The following CSF1R variants were observed in gnomAD, a reference collection of about 807,000 sequenced individuals.
The protein encoded by CSF1R is macrophage colony-stimulating factor 1 receptor.
CSF1R carries 40 observed loss-of-function variants against 110.0 expected under a neutral mutation model. The ratio of observed to expected loss-of-function variants is 0.36; its 90% CI spans 0.28 to 0.47. The LOEUF (loss-of-function observed/expected upper bound fraction) is 0.47. Among genes scored for constraint, CSF1R ranks in the 20% least tolerant of loss-of-function variants. CSF1R has a pLI of 0.99. For missense variants in CSF1R, 1,052 were observed against 1,253.0 expected (o/e 0.84, Z 2.42); for synonymous variants, 523 against 503.4 (o/e 1.04, Z -0.52).
chr5:150,071,223 G>T (rs192901291), intron 6 of CSF1R, among the ~76,000 whole-genome samples: 5 of 152,236 alleles, frequency 3.3e-5, no homozygotes, highest in Non-Finnish European at 5.9e-5. Context: ...TACAGAAAAG[G>T]CCCTGGAGCA....
chr5:150,062,178 T>TTTTAA (rs1554102113), intron 10 of CSF1R, among the ~76,000 whole-genome samples: 107 of 148,276 alleles, frequency 7.2e-4, no homozygotes, highest in Middle Eastern at 3.5e-3. Context: ...GGGTGGAACT[T>TTTTAA]GAGATCTTAT....
chr5:150,094,077 A>G (rs1292204713), intron 1 of CSF1R, among the ~76,000 whole-genome samples: 1 of 152,096 alleles, frequency 6.6e-6, no homozygotes, highest in Non-Finnish European at 1.5e-5. Context: ...AAAAAAAAAA[A>G]AAGTACAATT....
chr5:150,063,188 T>C (rs1230516765), intron 10 of CSF1R, among the ~76,000 whole-genome samples: 9 of 152,116 alleles, frequency 5.9e-5, no homozygotes, highest in Non-Finnish European at 1.2e-4. Flanking sequence ...TGGCTAATTT[T>C]TGTAGAGACG....
At chr5:150,109,220 T>C (rs2113871410) in intron 1 of CSF1R, among the ~76,000 whole-genome samples, 1 of 152,262 alleles carries the variant, frequency 6.6e-6, no homozygotes, top group East Asian at 1.9e-4. Context: ...AGAGCCTCCC[T>C]GCAGTGACTG....
At chr5:150,059,252 A>C (rs1193487597) in intron 14 of CSF1R, among the ~76,000 whole-genome samples, 1 of 151,954 alleles carries the variant, frequency 6.6e-6, no homozygotes, top group Non-Finnish European at 1.5e-5. Flanking sequence ...CCTTGTTGGT[A>C]AGGCTGGTCT....
At chr5:150,097,945 C>T (rs1216800334) in intron 1 of CSF1R, among the ~76,000 whole-genome samples, 1 of 152,040 alleles carries the variant, frequency 6.6e-6, no homozygotes, top group Non-Finnish European at 1.5e-5. Flanking sequence ...TTAGATTAGC[C>T]AAAATAATTT....
chr5:150,077,171 T>TC, intron 5 of CSF1R, 105 bp downstream of exon 5: 1 of 1,437,268 alleles, frequency 7.0e-7, no homozygotes. Flanking sequence ...AGCAGAGATA[T>TC]CCTCAGCAGG....
chr5:150,054,626 T>TC (rs1757109880), intron 19 of CSF1R, 196 bp from the exon 20 acceptor site: 1 of 538,810 alleles, frequency 1.9e-6, no homozygotes, highest in East Asian at 3.0e-5. Flanking sequence ...GGTACTCTCA[T>TC]CACCCTCATT....
chr5:150,108,830 T>C (rs1027923814), intron 1 of CSF1R, among the ~76,000 whole-genome samples: 9 of 151,720 alleles, frequency 5.9e-5, no homozygotes, highest in African/African-American at 2.2e-4. Context: ...GGGTGGGAGC[T>C]GCTGGAGAGG....
intron 1 of CSF1R, among the ~76,000 whole-genome samples, chr5:150,093,130 G>C (rs1247660978): frequency 5.3e-5 from 8 of 152,076 alleles, no homozygotes; most frequent in Non-Finnish European, 8.8e-5. Flanking sequence ...CCAGGCTGGA[G>C]GGCAGTGGCG....
At position 150,084,633 on chromosome 5, in the gene CSF1R, T is replaced by C. The variant is rs1420921278; in HGVS notation, c.49+1746A>G. 2.0e-5 allele frequency among the ~76,000 whole-genome samples: 3 copies of C among 151,618 alleles called. No homozygotes were observed. The East Asian group carries it at 6.0e-4, about 30-fold the overall frequency. On this transcript the variant is annotated intron_variant, in intron 1 of 20. Transcript: ENST00000675795. ...ACACCCGGCTAATTTTTGTATTTTT[T>C]AGTAGAGAGGGGGCTTCACCATATT...
Position 150,068,242 on chromosome 5 carries a change from G to GAGCAGC in CSF1R, c.1593_1598dup (p.Leu536_Leu537dup). 3 of 1,608,388 alleles carry GAGCAGC rather than the reference G, an allele frequency of 1.9e-6. No individual in the cohort carries two copies. The highest frequency in any genetic ancestry group is 4.5e-5 in the East Asian group (2 of 44,600). ...GCTTATACTTGTACAATAGCAGCAG[G>GAGCAGC]AGCAGCAGCAGCAGCAAGGCCATGA... is the stretch of plus-strand genomic sequence containing the variant. On this transcript the variant is annotated inframe_insertion, in exon 10 of 21. Coordinates refer to ENST00000675795, the MANE Select transcript of CSF1R (RefSeq NM_001288705.3).
chr5:150,085,520 C>T (rs1758804302), intron 1 of CSF1R, among the ~76,000 whole-genome samples: 1 of 151,992 alleles, frequency 6.6e-6, no homozygotes, highest in South Asian at 2.1e-4. Context: ...AGCACAGCAG[C>T]CCCTCACCTC....
chr5:150,070,073 G>A lies in CSF1R; in HGVS notation c.1320-10C>T. ...TTGGGCCTCATCACACCTGGCAAAA[G>A]CAGAATGTGGCTCAGAGCTTCAGGG... On this transcript the variant is annotated splice_polypyrimidine_tract_variant and intron_variant, in intron 8 of 20. Coordinates refer to ENST00000675795, the MANE Select transcript of CSF1R (RefSeq NM_001288705.3). 1 of 1,612,668 alleles carries A rather than the reference G, an allele frequency of 6.2e-7. No individual in the cohort carries two copies. The highest frequency in any genetic ancestry group is 2.2e-5 in the East Asian group (1 of 44,842).
intron 2 of CSF1R, among the ~76,000 whole-genome samples, 153 bp from the exon 3 acceptor site, chr5:150,080,489 G>A (rs1468129508): frequency 6.6e-6 from 1 of 152,214 alleles, no homozygotes; most frequent in Non-Finnish European, 1.5e-5. Flanking sequence ...CAGCGTGGTG[G>A]CTCCAGAGTC....
In CSF1R at chr5:150,081,157, T is replaced by A. The variant is rs1758525304; in HGVS notation, c.50-133A>T. 6 of 969,124 alleles carry A rather than the reference T, an allele frequency of 6.2e-6. No homozygotes were observed. The Admixed American group carries it at 6.9e-5, about 11-fold the overall frequency. 60.0% of individuals were successfully genotyped at this position (969,124 alleles called of 1,614,324 possible). ...CAAGGGACCACCTTGAACGAGCCCC[T>A]GCCCCCTGGTCATTTGCTCAGCTCC... On this transcript the variant is annotated intron_variant, in intron 1 of 20. Coordinates refer to ENST00000675795, the MANE Select transcript of CSF1R (RefSeq NM_001288705.3).
At chr5:150,068,678 C>A (rs540475453) in intron 9 of CSF1R, among the ~76,000 whole-genome samples, 1 of 152,294 alleles carries the variant, frequency 6.6e-6, no homozygotes, top group East Asian at 1.9e-4. Flanking sequence ...GGCTTGCATG[C>A]ACTACACCTC....
chr5:150,093,275 C>T (rs919459471), intron 1 of CSF1R, among the ~76,000 whole-genome samples: 2 of 152,144 alleles, frequency 1.3e-5, no homozygotes, highest in African/African-American at 4.8e-5. Flanking sequence ...GACAGGGTTT[C>T]ACCATGTTGG....
intron 1 of CSF1R, among the ~76,000 whole-genome samples, chr5:150,086,150 G>T (rs888197448): frequency 6.6e-6 from 1 of 152,136 alleles, no homozygotes; most frequent in Non-Finnish European, 1.5e-5. Flanking sequence ...ACAGTGAGTC[G>T]CTGGCAGAGC....
Sources: gnomAD v4.1 joint callset for allele counts (sites outside exome capture counted in the v4.1 genomes callset) on GRCh38, gnomAD v4.1.1 for gene constraint, MANE v1.5 for transcripts, NCBI Gene and HGNC (gene_info 2026-07-23, HGNC 2026-07-21) for gene names.